COL23A1: variants seen among roughly 807,000 people sequenced by gnomAD.
COL23A1 encodes the protein collagen type XXIII alpha 1 chain.
In COL23A1, 97 loss-of-function variants were observed where a neutral mutation model predicts 99.3. The observed-to-expected ratio is 0.98, with a 90% CI of 0.83 to 1.16. COL23A1 has a LOEUF of 1.16. COL23A1 is among the 50% of genes most tolerant of loss of function. COL23A1 has a pLI of 0.00. For missense variants in COL23A1, 762 were observed against 757.4 expected, an observed-to-expected ratio of 1.01 and a Z score of -0.07; for synonymous variants, 320 against 308.2, an observed-to-expected ratio of 1.04 and a Z score of -0.40.
intron 2 of COL23A1, among the ~76,000 whole-genome samples, chr5:178,390,211 C>T (rs1165335264): frequency 6.6e-6 from 1 of 152,182 alleles, no homozygotes; most frequent in East Asian, 1.9e-4. Context: ...CATTTACTAT[C>T]CAAACCAAGA....
intron 2 of COL23A1, among the ~76,000 whole-genome samples, chr5:178,375,662 A>G (rs1763033575): frequency 6.6e-6 from 1 of 152,116 alleles, no homozygotes; most frequent in Non-Finnish European, 1.5e-5. Context: ...CCTGTGCTGG[A>G]TCCCCGTCTC....
Position 178,354,920 on chromosome 5 carries a change from T to C in COL23A1, c.362-48001A>G, listed in dbSNP as rs573045048. Among the ~76,000 whole-genome samples the C allele has an allele frequency of 6.6e-5, 10 of 152,098 alleles. No homozygotes were observed. In the South Asian group the frequency reaches 8.3e-4, roughly 13 times the overall value. On this transcript the variant is annotated intron_variant, in intron 2 of 28. Transcript: ENST00000390654. ...AAAAATACAAAAAATTAGTTGGGCA[T>C]GGTGGTGTGAGCCTGTGGTCCCAGC...
chr5:178,249,084 A>G (rs1225893804), intron 19 of COL23A1, 33 bp downstream of exon 19: 8 of 1,604,650 alleles, frequency 5.0e-6, no homozygotes, highest in Non-Finnish European at 6.8e-6. Flanking sequence ...TCCACACAGG[A>G]GGCGTAATGT....
At chr5:178,567,066 TG>T (rs147675478) in intron 1 of COL23A1, among the ~76,000 whole-genome samples, 4,439 of 152,304 alleles carry the variant, frequency 0.029, 88 homozygotes, top group Middle Eastern at 0.13. Context: ...CAGTGAACCC[TG>T]TGGTGCTGAA....
intron 2 of COL23A1, among the ~76,000 whole-genome samples, chr5:178,374,819 T>C (rs1267693069): frequency 1.3e-5 from 2 of 152,174 alleles, no homozygotes; most frequent in African/African-American, 2.4e-5. Flanking sequence ...GGCAGCTTAA[T>C]CAAACAGCTA....
In COL23A1 at chr5:178,408,976, ACACACAC is replaced by A. The variant is rs1764915832; in HGVS notation, c.362-102064_362-102058del. ...GTCTCAAAAAAAAAAAAAAAAAAAT[ACACACAC>A]ACACACACACACACACACACACACA... On this transcript the variant is annotated intron_variant, in intron 2 of 28. Transcript: ENST00000390654. 8.2e-4 allele frequency among the ~76,000 whole-genome samples: 11 copies of A among 13,460 alleles called. 1 individual carries two copies. Among genetic ancestry groups the A allele is most frequent in the Admixed American group, 4.5e-3 (4 of 892 alleles). 8.8% of individuals were successfully genotyped at this position (13,460 alleles called of 152,430 possible). A position where few individuals can be genotyped will look rare whatever the true frequency, so the allele number is the denominator to read the frequency against.
intron 2 of COL23A1, among the ~76,000 whole-genome samples, chr5:178,531,421 C>T (rs945563452): frequency 2.6e-5 from 4 of 152,158 alleles, no homozygotes; most frequent in Non-Finnish European, 5.9e-5. Flanking sequence ...TTCCAAACCC[C>T]CTGTGGCCTG....
intron 2 of COL23A1, among the ~76,000 whole-genome samples, chr5:178,536,873 C>A (rs1288792452): frequency 6.6e-6 from 1 of 152,202 alleles, no homozygotes; most frequent in Non-Finnish European, 1.5e-5. Flanking sequence ...CACAGCTCTA[C>A]TGAGCCCTCC....
At chr5:178,272,208 A>C (rs1031559291) in intron 5 of COL23A1, among the ~76,000 whole-genome samples, 12 of 152,044 alleles carry the variant, frequency 7.9e-5, no homozygotes, top group Middle Eastern at 3.2e-3. Context: ...CTGCTCTGGG[A>C]AGACTTTCCT....
intron 1 of COL23A1, among the ~76,000 whole-genome samples, chr5:178,568,379 A>T (rs1156947689): frequency 1.3e-5 from 2 of 152,240 alleles, no homozygotes; most frequent in African/African-American, 4.8e-5. Flanking sequence ...ATAATCACAA[A>T]GTCACTTACC....
At chr5:178,289,540 A>G (rs1255918287) in intron 4 of COL23A1, among the ~76,000 whole-genome samples, 1 of 152,226 alleles carries the variant, frequency 6.6e-6, no homozygotes, top group Non-Finnish European at 1.5e-5. Flanking sequence ...GTGTGCTCAC[A>G]AGGTCTCAGC....
Position 178,280,073 on chromosome 5 carries a change from G to A in COL23A1, c.441+8251C>T, listed in dbSNP as rs73342844. Among the ~76,000 whole-genome samples, 612 of 152,362 alleles carry A rather than the reference G, an allele frequency of 4.0e-3. 7 individuals carry two copies. The highest frequency in any genetic ancestry group is 0.014 in the African/African-American group (583 of 41,592). ...AATACCCGCTGAATGGATCAACAAC[G>A]GTGAAGGGAACGATTCTCTGAATGA... is the stretch of plus-strand genomic sequence containing the variant. On this transcript the variant is annotated intron_variant, in intron 5 of 28. Transcript: ENST00000390654. This position sits in a 1 kb window ranked among gnomAD's most constrained non-coding sequence, Gnocchi z 4.9.
In COL23A1 at chr5:178,255,508, C is replaced by CAT. The variant is rs1357239116; in HGVS notation, c.883-484_883-483dup. On this transcript the variant is annotated intron_variant, in intron 15 of 28. Transcript: ENST00000390654. The surrounding 1 kb of genome is among the most constrained non-coding windows in gnomAD (Gnocchi z 4.2). ...AGGTGCATGTCAGCATGCCCATGTC[C>CAT]ATATGCTGCACACTCATTGTGCACA... Among the ~76,000 whole-genome samples the CAT allele has an allele frequency of 6.6e-6, 1 of 152,058 alleles. No homozygotes were observed. Among genetic ancestry groups the CAT allele is most frequent in the African/African-American group, 2.4e-5 (1 of 41,390 alleles).
In COL23A1 at chr5:178,256,377, G is replaced by A. The variant is rs757263693; in HGVS notation, c.858C>T (p.Gly286=). Residue 286 remains glycine, a synonymous_variant, in exon 15 of 29, where the codon GGC becomes GGT. Transcript: ENST00000390654. ...CCCGGGGCCCTGCAGCTCCATCCGT[G>A]CCTCGGTGGCCAGGCTCCCCCTGTG... The part of the protein sequence containing the change: ...PGPKGEPGHR[G]TDGAAGPRGA... 7.5e-6 allele frequency: 12 copies of A among 1,606,500 alleles called. No homozygotes were observed. Among genetic ancestry groups the A allele is most frequent in the Non-Finnish European group, 1.0e-5 (12 of 1,176,024 alleles).
At chr5:178,378,535 T>G (rs1192729823) in intron 2 of COL23A1, among the ~76,000 whole-genome samples, 3 of 152,172 alleles carry the variant, frequency 2.0e-5, no homozygotes, top group African/African-American at 7.2e-5. Flanking sequence ...AGAGCTCAAG[T>G]GAGGGTTAGG....
intron 2 of COL23A1, among the ~76,000 whole-genome samples, chr5:178,515,408 G>A (rs1759446806): frequency 6.6e-6 from 1 of 152,206 alleles, no homozygotes; most frequent in East Asian, 1.9e-4. Context: ...AATCACTGCA[G>A]AGGTTTCCAC....
At chr5:178,284,655 T>TCCC (rs1273928148) in intron 5 of COL23A1, among the ~76,000 whole-genome samples, 1 of 152,230 alleles carries the variant, frequency 6.6e-6, no homozygotes, top group Non-Finnish European at 1.5e-5. Context: ...ATATAAATAA[T>TCCC]TTAACTTTGA....
intron 2 of COL23A1, among the ~76,000 whole-genome samples, chr5:178,420,219 T>C (rs927776507): frequency 2.0e-5 from 3 of 152,134 alleles, no homozygotes; most frequent in Admixed American, 6.5e-5. Flanking sequence ...ACTTTCCTCT[T>C]CTATGAAATG....
At chr5:178,535,242 G>A (rs952690378) in intron 2 of COL23A1, among the ~76,000 whole-genome samples, 38 of 152,152 alleles carry the variant, frequency 2.5e-4, no homozygotes, top group Non-Finnish European at 3.5e-4. Context: ...CCAAAGTGCT[G>A]GGATTACAGG....
Sources: allele counts gnomAD v4.1 joint callset (sites outside exome capture counted in the v4.1 genomes callset), GRCh38; gene constraint gnomAD v4.1.1; non-coding constraint Gnocchi (gnomAD v3.1); transcripts MANE v1.5; gene names NCBI Gene and HGNC (gene_info 2026-07-23, HGNC 2026-07-21).